Variants in TRMT10C observed in about 807,000 individuals in gnomAD.
TRMT10C encodes tRNA methyltransferase 10C, mitochondrial RNase P subunit, also known as tRNA methyltransferase 10 homolog C.
In TRMT10C, 14 loss-of-function variants were observed where a neutral mutation model predicts 27.4. The observed-to-expected ratio is 0.51, with a 90% CI of 0.34 to 0.80. TRMT10C has a LOEUF of 0.80. Ranked by LOEUF, TRMT10C falls within the 30% of genes least tolerant of loss-of-function variation. The probability of loss-of-function intolerance (pLI) is 0.02; values close to 1 mark genes in which losing one functional copy is unlikely to be tolerated. For missense variants in TRMT10C, 438 were observed against 464.8 expected (o/e 0.94, Z 0.53); for synonymous variants, 143 against 155.9 (o/e 0.92, Z 0.62).
chr3:101,565,628 C>T lies in TRMT10C; in HGVS notation c.847C>T (p.Pro283Ser). 1 of 1,614,026 alleles carries T rather than the reference C, an allele frequency of 6.2e-7. No homozygotes were observed. Among genetic ancestry groups the T allele is most frequent in the Non-Finnish European group, 8.5e-7 (1 of 1,179,982 alleles). ...AGAAAAGTCTCATGTAGATTTATTT[C>T]CAAAGGACAGTATTATCTATTTAAC... is the stretch of plus-strand genomic sequence containing the variant. ...STEKSHVDLF[P>S]KDSIIYLTAD... Residue 283 changes from proline to serine, a missense_variant, in exon 2 of 2, where the codon CCA (proline) becomes TCA (serine). This residue lies in a region of TRMT10C where 350 missense variants were observed against 370.5 expected (regional missense o/e 0.94). Transcript: ENST00000309922.
chr3:101,566,031 C>A lies in TRMT10C; in HGVS notation c.*38C>A. 6.5e-7 allele frequency: 1 copy of A among 1,538,318 alleles called. No individual in the cohort carries two copies. The stretch of plus-strand genomic sequence containing the variant: ...AGGTTCTCTGAATGTGCACAGAACA[C>A]GTGGCTCAAATGAGAACATTTGATG... On this transcript the variant is annotated 3_prime_UTR_variant, in exon 2 of 2. Transcript: ENST00000309922.
Position 101,565,596 on chromosome 3 carries a change from C to G in TRMT10C, c.815C>G (p.Thr272Arg). 6.2e-7 allele frequency: 1 copy of G among 1,614,140 alleles called. No individual in the cohort carries two copies. The highest frequency in any genetic ancestry group is 8.5e-7 in the Non-Finnish European group (1 of 1,179,996). Residue 272 changes from threonine to arginine, a missense_variant, in exon 2 of 2, where the codon ACA becomes AGA. Coordinates refer to ENST00000309922, the MANE Select transcript of TRMT10C (RefSeq NM_017819.4). Reference protein sequence around the residue: ...YQEKWDKLLLTSTEKSHVDLF... With the variant: ...YQEKWDKLLLRSTEKSHVDLF... The stretch of plus-strand genomic sequence containing the variant: ...GAAAAATGGGACAAATTGCTTTTAA[C>G]ATCAACAGAAAAGTCTCATGTAGAT...
intron 1 of TRMT10C, among the ~76,000 whole-genome samples, chr3:101,562,828 T>C (rs111903416): frequency 1.3e-5 from 2 of 152,028 alleles, no homozygotes; most frequent in African/African-American, 4.8e-5. Context: ...CACTAGTTAG[T>C]CCTTACCATC....
rs1249924769 is a variant in TRMT10C, at chr3:101,566,233, AAG to A, written c.*243_*244del. On this transcript the variant is annotated 3_prime_UTR_variant, in exon 2 of 2. Transcript: ENST00000309922. ...TTGTTTACTGTAGAAAGATAATAAA[AAG>A]AGTTGTCCAAGATTGTTGAACAGAA... 5.0e-6 allele frequency: 2 copies of A among 403,092 alleles called. No individual in the cohort carries two copies. Among genetic ancestry groups the A allele is most frequent in the South Asian group, 4.4e-5 (1 of 22,918 alleles). 25.0% of individuals were successfully genotyped at this position (403,092 alleles called of 1,614,324 possible).
At chr3:101,563,324 A>AT (rs1313405327) in intron 1 of TRMT10C, among the ~76,000 whole-genome samples, 1 of 151,716 alleles carries the variant, frequency 6.6e-6, no homozygotes. Flanking sequence ...CACCTGGCTA[A>AT]TTTTTGTATT....
At chr3:101,564,672 G>T (rs1005125760) in intron 1 of TRMT10C, 98 bp from the exon 2 acceptor site, 3 of 1,235,642 alleles carry the variant, frequency 2.4e-6, no homozygotes, top group Non-Finnish European at 2.2e-6. Context: ...TTCAAAAATT[G>T]ATTTTATTTT....
At chr3:101,563,757 A>G (rs1182714932) in intron 1 of TRMT10C, among the ~76,000 whole-genome samples, 8 of 152,208 alleles carry the variant, frequency 5.3e-5, no homozygotes, top group Non-Finnish European at 7.4e-5. Flanking sequence ...CAAGTTTTAC[A>G]TCTTTAAGCA....
chr3:101,563,120 G>C (rs1934449465), intron 1 of TRMT10C, among the ~76,000 whole-genome samples: 1 of 152,108 alleles, frequency 6.6e-6, no homozygotes, highest in South Asian at 2.1e-4. Context: ...TTTTTTGTTT[G>C]TTTTTGTTGT....
Position 101,564,856 on chromosome 3 carries a change from C to T in TRMT10C, c.75C>T (p.Thr25=). 1 of 1,613,516 alleles carries T rather than the reference C, an allele frequency of 6.2e-7. No individual in the cohort carries two copies. The highest frequency in any genetic ancestry group is 8.5e-7 in the Non-Finnish European group (1 of 1,179,682). The change falls in exon 2 of 2, where the codon ACC becomes ACT. Residue 25 remains threonine (T), a synonymous_variant. Transcript: ENST00000309922. ...TCACCAGGTTTTTGGTGCCATTTACCCTTCATAGGAAGAGAAATAACTTAA... is the reference window on the plus strand; with the variant it reads ...TCACCAGGTTTTTGGTGCCATTTACTCTTCATAGGAAGAGAAATAACTTAA... ...RPFTRFLVPF[T]LHRKRNNLTI...
Position 101,565,430 on chromosome 3 carries a change from C to T in TRMT10C, c.649C>T (p.Arg217Ter), listed in dbSNP as rs199990856. ...CATGGCTTACGAAAATTATATGAAA[C>T]GAAAAGAATTGCAGAATACTGTTTC... ...FDMAYENYMK[R>*]KELQNTVSQL... The change falls in exon 2 of 2, where the codon CGA becomes TGA. Residue 217 changes from arginine (R) to a stop codon, truncating the protein, a stop_gained. Transcript: ENST00000309922. LOFTEE classifies it high-confidence loss of function. 6.8e-6 allele frequency: 11 copies of T among 1,614,014 alleles called. No individual in the cohort carries two copies. Among genetic ancestry groups the T allele is most frequent in the Admixed American group, 1.7e-5 (1 of 60,002 alleles).
At position 101,566,032 on chromosome 3, in the gene TRMT10C, G is replaced by C. The variant is rs1050284022; in HGVS notation, c.*39G>C. The C allele has an allele frequency of 6.5e-7, 1 of 1,538,820 alleles. No homozygotes were observed. The highest frequency in any genetic ancestry group is 1.3e-5 in the South Asian group (1 of 78,048). ...GGTTCTCTGAATGTGCACAGAACACGTGGCTCAAATGAGAACATTTGATGG... is the reference window on the plus strand; with the variant it reads ...GGTTCTCTGAATGTGCACAGAACACCTGGCTCAAATGAGAACATTTGATGG... On this transcript the variant is annotated 3_prime_UTR_variant, in exon 2 of 2. Coordinates refer to ENST00000309922, the MANE Select transcript of TRMT10C (RefSeq NM_017819.4).
intron 1 of TRMT10C, 70 bp from the exon 2 acceptor site, chr3:101,564,700 C>T: frequency 7.3e-7 from 1 of 1,361,228 alleles, no homozygotes; most frequent in African/African-American, 1.5e-5. Context: ...CAAATTTATA[C>T]TTGCACAATT....
chr3:101,563,606 G>GC (rs1465682183), intron 1 of TRMT10C, among the ~76,000 whole-genome samples: 1 of 152,202 alleles, frequency 6.6e-6, no homozygotes, highest in Non-Finnish European at 1.5e-5. Flanking sequence ...GGACATCAGT[G>GC]CACAGGTCAG....
In TRMT10C at chr3:101,565,086, G is replaced by C; in HGVS notation, c.305G>C (p.Arg102Thr). 1 of 1,613,980 alleles carries C rather than the reference G, an allele frequency of 6.2e-7. No homozygotes were observed. Among genetic ancestry groups the C allele is most frequent in the Non-Finnish European group, 8.5e-7 (1 of 1,180,016 alleles). ...ACCAGAGAGTTCATTGAGATGTGGA[G>C]ATTGCTTGGCAGAGAAGTACCAGAA... ...AATREFIEMW[R>T]LLGREVPEHI... The change falls in exon 2 of 2, where the codon AGA (arginine) becomes ACA (threonine). Residue 102 changes from arginine to threonine, a missense_variant. Around this residue, in one of 3 missense-constraint regions of TRMT10C, gnomAD observed 350 missense variants for 370.5 expected, o/e 0.94. Coordinates refer to ENST00000309922, the MANE Select transcript of TRMT10C (RefSeq NM_017819.4).
At chr3:101,563,152 C>T (rs1033274730) in intron 1 of TRMT10C, among the ~76,000 whole-genome samples, 2 of 152,082 alleles carry the variant, frequency 1.3e-5, no homozygotes, top group East Asian at 1.9e-4. Flanking sequence ...CTTACTCTGT[C>T]GCTCACTGCA....
chr3:101,562,568 G>C lies in TRMT10C; in HGVS notation c.-13+565G>C, dbSNP rs141239176. ...CGGGAGGCTGAGGCAGGAGAATGGC[G>C]TGAACCCTGGGAGGCGGAGCTTGCG... On this transcript the variant is annotated intron_variant, in intron 1 of 1. Transcript: ENST00000309922. Among the ~76,000 whole-genome samples, 58 of 152,216 alleles carry C rather than the reference G, an allele frequency of 3.8e-4. No homozygotes were observed. In the East Asian group the frequency reaches 0.011, roughly 28 times the overall value.
intron 1 of TRMT10C, among the ~76,000 whole-genome samples, chr3:101,562,898 C>G (rs1358272740): frequency 6.6e-6 from 1 of 151,934 alleles, no homozygotes; most frequent in East Asian, 1.9e-4. Flanking sequence ...CTGTCATAGG[C>G]ACCAGAGTGC....
Position 101,565,175 on chromosome 3 carries a change from TA to T in TRMT10C, c.395del (p.Tyr132PhefsTer2). On this transcript the variant is annotated frameshift_variant, in exon 2 of 2. Coordinates refer to ENST00000309922, the MANE Select transcript of TRMT10C (RefSeq NM_017819.4). LOFTEE classifies it high-confidence loss of function. ...TGTTTCTAACACAGCAAAAAAAAAA[TA>T]TTTAAAATATTTATATACGAAGGAA... ...ECVSNTAKKK[Y>X]LKYLYTKEKV... The T allele has an allele frequency of 6.5e-7, 1 of 1,543,262 alleles. No individual in the cohort carries two copies.
intron 1 of TRMT10C, among the ~76,000 whole-genome samples, chr3:101,563,357 C>T (rs987046062): frequency 6.6e-6 from 1 of 152,068 alleles, no homozygotes; most frequent in African/African-American, 2.4e-5. Context: ...AGGGTTTCGC[C>T]ATGTTGGTCA....
Sources: gnomAD v4.1 joint callset for allele counts (sites outside exome capture counted in the v4.1 genomes callset) on GRCh38, gnomAD v4.1.1 for gene constraint, gnomAD v4.1.1 regional missense constraint, MANE v1.5 for transcripts, NCBI Gene and HGNC (gene_info 2026-07-23, HGNC 2026-07-21) for gene names.